The following CGGBP1 variants were observed in gnomAD, a reference collection of about 807,000 sequenced individuals.
The protein encoded by CGGBP1 is CGG triplet repeat binding protein 1.
CGGBP1 carries 4 observed loss-of-function variants against 11.4 expected under a neutral mutation model. The observed-to-expected ratio is 0.35, with a 90% confidence interval of 0.17 to 0.80. The LOEUF is 0.80. Ranked by LOEUF, CGGBP1 falls within the 30% of genes least tolerant of loss-of-function variation. The pLI is 0.52. For missense variants in CGGBP1, 135 were observed against 202.1 expected (o/e 0.67, Z 2.01); for synonymous variants, 76 against 74.1 (o/e 1.03, Z -0.13).
At chr3:88,135,006 G>A in intron 2 of CGGBP1, 1 of 1,210,930 alleles carries the variant, frequency 8.3e-7, no homozygotes, top group Non-Finnish European at 1.1e-6. Context: ...GATAGCTAAT[G>A]TCTGTATTTG....
At chr3:88,124,313 T>C (rs557933443) in intron 2 of CGGBP1, among the ~76,000 whole-genome samples, 25 of 152,204 alleles carry the variant, frequency 1.6e-4, no homozygotes, top group Non-Finnish European at 3.5e-4. Flanking sequence ...AACTTGCCCA[T>C]TGTTGGTAGG....
At chr3:88,061,374 T>A (rs1576172681), upstream of CGGBP1, among the ~76,000 whole-genome samples, 3 of 152,200 alleles carry the variant, frequency 2.0e-5, no homozygotes, top group East Asian at 5.8e-4. Flanking sequence ...ATGACTTCGC[T>A]ACCTCCTGTA....
At chr3:88,126,475 T>A (rs1484946631) in intron 2 of CGGBP1, among the ~76,000 whole-genome samples, 2 of 152,074 alleles carry the variant, frequency 1.3e-5, no homozygotes, top group African/African-American at 4.8e-5. Context: ...TTTCTTGTAA[T>A]GGAAATTCTC....
intron 2 of CGGBP1, chr3:88,126,099 A>G (rs1203779738): frequency 1.4e-6 from 2 of 1,439,084 alleles, no homozygotes; most frequent in Admixed American, 5.1e-5. Flanking sequence ...TAACCCCTTT[A>G]AATTCACAGA....
At chr3:88,134,494 A>C (rs1396933646) in intron 2 of CGGBP1, among the ~76,000 whole-genome samples, 2 of 152,192 alleles carry the variant, frequency 1.3e-5, no homozygotes, top group Non-Finnish European at 2.9e-5. Context: ...ATCAAATAAC[A>C]GTGGTCATAT....
intron 2 of CGGBP1, among the ~76,000 whole-genome samples, chr3:88,110,520 A>AC (rs1206082177): frequency 6.6e-6 from 1 of 152,110 alleles, no homozygotes; most frequent in African/African-American, 2.4e-5. Context: ...AATATGGCTA[A>AC]CCATTCATTT....
At chr3:88,143,241 C>T (rs1347643445) in intron 1 of CGGBP1, 5 of 151,448 alleles carry the variant, frequency 3.3e-5, no homozygotes, top group Non-Finnish European at 7.4e-5. Flanking sequence ...TTTTAATTTC[C>T]CGGTTTTATT....
At chr3:88,059,661 T>G (rs555415680), upstream of CGGBP1, among the ~76,000 whole-genome samples, 3 of 144,984 alleles carry the variant, frequency 2.1e-5, no homozygotes, top group Admixed American at 6.8e-5. Flanking sequence ...TTATCCGGCT[T>G]GGGGTGGGGG....
intron 2 of CGGBP1, among the ~76,000 whole-genome samples, chr3:88,085,443 TAAA>T (rs1708290389): frequency 6.6e-6 from 1 of 152,186 alleles, no homozygotes; most frequent in Admixed American, 6.5e-5. Flanking sequence ...TCCAACCACT[TAAA>T]AATGTAAAAT....
intron 2 of CGGBP1, chr3:88,128,755 GTT>G: frequency 3.1e-6 from 4 of 1,299,976 alleles, no homozygotes; most frequent in Non-Finnish European, 4.2e-6. Flanking sequence ...AAAGAACAAA[GTT>G]TGAGAGAATC....
chr3:88,122,552 T>G (rs1164095219), intron 2 of CGGBP1, among the ~76,000 whole-genome samples: 1 of 152,174 alleles, frequency 6.6e-6, no homozygotes, highest in Non-Finnish European at 1.5e-5. Flanking sequence ...AGTTGTATTT[T>G]CGCTCTACCT....
At chr3:88,108,811 T>G (rs1380176151) in intron 2 of CGGBP1, among the ~76,000 whole-genome samples, 1 of 151,756 alleles carries the variant, frequency 6.6e-6, no homozygotes, top group Non-Finnish European at 1.5e-5. Context: ...GTTGAAAAGG[T>G]TAAAGTTCTC....
rs189968787 is a variant in CGGBP1 at position 88,116,386 on chromosome 3, G to A, written c.-229+24584C>T. Among the ~76,000 whole-genome samples, 6 of 151,988 alleles carry A rather than the reference G, an allele frequency of 3.9e-5. No homozygotes were observed. In the East Asian group the frequency reaches 9.7e-4, roughly 25 times the overall value. ...AAATACAAAATTAGCAGGTCGTGGC[G>A]GCTCATGCCTGTAATCCCAGCTACT... On this transcript the variant is annotated intron_variant, in intron 2 of 3. Transcript: ENST00000462901.
chr3:88,064,322 A>G (rs570061436), intron 2 of CGGBP1, among the ~76,000 whole-genome samples: 1 of 151,462 alleles, frequency 6.6e-6, no homozygotes, highest in African/African-American at 2.4e-5. Flanking sequence ...TTACTGTCTC[A>G]CTATTGATCT....
chr3:88,136,211 GAATCTTATTGGTACCAAA>G (rs1352397942), intron 2 of CGGBP1, among the ~76,000 whole-genome samples: 2 of 152,050 alleles, frequency 1.3e-5, no homozygotes, highest in Non-Finnish European at 2.9e-5. Flanking sequence ...TTGTACATAT[GAATCTTATTGGTACCAAA>G]AATTGAGATA....
intron 2 of CGGBP1, among the ~76,000 whole-genome samples, chr3:88,116,027 AAGAG>A (rs1410787472): frequency 7.2e-5 from 11 of 152,058 alleles, no homozygotes; most frequent in African/African-American, 2.4e-4. Context: ...TATAGAGAGA[AAGAG>A]AGAACTTCCA....
At chr3:88,107,748 A>G (rs1704832544) in intron 2 of CGGBP1, among the ~76,000 whole-genome samples, 1 of 152,110 alleles carries the variant, frequency 6.6e-6, no homozygotes, top group African/African-American at 2.4e-5. Context: ...GTATCTAATC[A>G]TCCATAAGAT....
At chr3:88,105,658 C>T (rs142892578) in intron 2 of CGGBP1, among the ~76,000 whole-genome samples, 1 of 152,278 alleles carries the variant, frequency 6.6e-6, no homozygotes, top group East Asian at 1.9e-4. Flanking sequence ...CCTTGTATAT[C>T]TCTGACCTCA....
intron 2 of CGGBP1, chr3:88,139,433 G>A: frequency 6.2e-7 from 1 of 1,613,844 alleles, no homozygotes; most frequent in East Asian, 2.2e-5. Flanking sequence ...GACTTATGCA[G>A]AAGCATTTGA....
Sources: allele counts gnomAD v4.1 joint callset (sites outside exome capture counted in the v4.1 genomes callset), GRCh38; gene constraint gnomAD v4.1.1; transcripts MANE v1.5; gene names NCBI Gene and HGNC (gene_info 2026-07-23, HGNC 2026-07-21).